The following RALGAPA1 variants were observed in gnomAD, a reference collection of about 807,000 sequenced individuals.
The protein encoded by RALGAPA1 is ral GTPase-activating protein subunit alpha-1.
A neutral mutation model predicts 269.6 loss-of-function variants in RALGAPA1; 52 were observed. That is an observed-to-expected ratio of 0.19 (90% CI 0.15 to 0.24). RALGAPA1 has a LOEUF of 0.24. RALGAPA1 is among the 10% of genes least tolerant of loss of function. RALGAPA1 has a pLI of 1.00. For missense variants in RALGAPA1, 1,917 were observed against 3,013.9 expected (o/e 0.64, Z 8.52); for synonymous variants, 817 against 1,008.3 (o/e 0.81, Z 3.60).
At chr14:35,679,536 G>C (rs1244226765) in intron 21 of RALGAPA1, among the ~76,000 whole-genome samples, 1 of 152,156 alleles carries the variant, frequency 6.6e-6, no homozygotes. Context: ...TTGTAATAAA[G>C]TATTGACTAT....
Position 35,770,991 on chromosome 14 carries a change from TA to T in RALGAPA1, c.275del (p.Leu92TyrfsTer19). 1 of 1,349,004 alleles carries T rather than the reference TA, an allele frequency of 7.4e-7. No individual in the cohort carries two copies. The highest frequency in any genetic ancestry group is 1.0e-6 in the Non-Finnish European group (1 of 969,946). 83.6% of individuals were successfully genotyped at this position (1,349,004 alleles called of 1,614,324 possible). The part of the protein sequence containing the change: ...DAILFIFEKI[L>X]QLLPERIHQR... ...GATGAATTCTTTCTGGAAGAAGTTG[TA>T]AAATTTTCTAAAAATCAATATAAAG... On this transcript the variant is annotated frameshift_variant, in exon 4 of 42. Coordinates refer to ENST00000680220, the MANE Select transcript of RALGAPA1 (RefSeq NM_001346249.2). LOFTEE classifies it high-confidence loss of function.
chr14:35,789,081 C>G lies in RALGAPA1; in HGVS notation c.107-13336G>C, dbSNP rs1169029. ...ATGTTGTAATAAAAAAATCAAACTACTAGAGGGAAAGATGCTCAGTGTACA... is the reference window on the plus strand; with the variant it reads ...ATGTTGTAATAAAAAAATCAAACTAGTAGAGGGAAAGATGCTCAGTGTACA... On this transcript the variant is annotated intron_variant, in intron 1 of 41. Transcript: ENST00000680220. Among the ~76,000 whole-genome samples the G allele has an allele frequency of 4.6e-3, 697 of 152,176 alleles. 2 individuals are homozygous for G. The highest frequency in any genetic ancestry group is 0.015 in the African/African-American group (625 of 41,526).
chr14:35,686,398 A>T, intron 19 of RALGAPA1, 144 bp downstream of exon 19: 1 of 576,900 alleles, frequency 1.7e-6, no homozygotes, highest in Non-Finnish European at 2.7e-6. Context: ...CAAAAATCTT[A>T]ATTCATAAAA....
At chr14:35,633,817 A>G (rs2061498989) in intron 33 of RALGAPA1, among the ~76,000 whole-genome samples, 1 of 152,110 alleles carries the variant, frequency 6.6e-6, no homozygotes, top group Non-Finnish European at 1.5e-5. Context: ...TTACACTCCT[A>G]TTACATTATA....
chr14:35,570,843 T>G, intron 38 of RALGAPA1, 99 bp from the exon 39 acceptor site: 1 of 1,077,822 alleles, frequency 9.3e-7, no homozygotes, highest in Non-Finnish European at 1.3e-6. Context: ...TTTCTGCTGC[T>G]TCTTTAGTTC....
intron 31 of RALGAPA1, among the ~76,000 whole-genome samples, chr14:35,639,791 T>C (rs1004252617): frequency 6.6e-6 from 1 of 151,494 alleles, no homozygotes. Flanking sequence ...TACAAAAAAT[T>C]AGTCGGGCGT....
chr14:35,572,747 G>T, intron 37 of RALGAPA1, 29 bp from the exon 38 acceptor site: 2 of 1,537,020 alleles, frequency 1.3e-6, no homozygotes, highest in Non-Finnish European at 8.8e-7. Context: ...AATTTATACT[G>T]CTTTAAAAGC....
chr14:35,742,642 C>T, intron 10 of RALGAPA1, 77 bp from the exon 11 acceptor site: 1 of 986,876 alleles, frequency 1.0e-6, no homozygotes, highest in Non-Finnish European at 1.6e-6. Context: ...ATGTTTTTCA[C>T]ATCACATCAT....
chr14:35,783,853 C>T (rs1363218196), intron 1 of RALGAPA1, among the ~76,000 whole-genome samples: 1 of 151,962 alleles, frequency 6.6e-6, no homozygotes, highest in East Asian at 1.9e-4. Flanking sequence ...AAAGCAAAAC[C>T]ACAATGAGAT....
intron 39 of RALGAPA1, among the ~76,000 whole-genome samples, chr14:35,550,915 A>G (rs79963746): frequency 0.014 from 2,112 of 152,278 alleles, 26 homozygotes; most frequent in Non-Finnish European, 0.02. Context: ...CTTAACATAA[A>G]CAAGTAATAT....
intron 33 of RALGAPA1, among the ~76,000 whole-genome samples, chr14:35,629,463 C>G (rs1245491261): frequency 6.6e-6 from 1 of 152,106 alleles, no homozygotes; most frequent in Non-Finnish European, 1.5e-5. Flanking sequence ...CCTGTCAGAA[C>G]AACTAAGGAT....
At chr14:35,594,162 T>A (rs1187717026) in intron 37 of RALGAPA1, among the ~76,000 whole-genome samples, 1 of 151,980 alleles carries the variant, frequency 6.6e-6, no homozygotes, top group African/African-American at 2.4e-5. Flanking sequence ...ATATAAGACA[T>A]GAAACCTAGA....
chr14:35,775,123 T>G (rs2074926226), intron 2 of RALGAPA1, 68 bp from the exon 3 acceptor site: 1 of 918,444 alleles, frequency 1.1e-6, no homozygotes, highest in Admixed American at 2.6e-5. Flanking sequence ...TTAAAATATT[T>G]CAAGAATGAA....
At chr14:35,750,268 T>C (rs1278459941) in intron 9 of RALGAPA1, among the ~76,000 whole-genome samples, 6 of 152,188 alleles carry the variant, frequency 3.9e-5, no homozygotes, top group African/African-American at 1.4e-4. Context: ...GAGACTGACA[T>C]ACTAATGAAA....
At chr14:35,600,232 C>CTTTTCTTTTTTTT (rs768432859) in intron 36 of RALGAPA1, among the ~76,000 whole-genome samples, 1 of 86,948 alleles carries the variant, frequency 1.2e-5, no homozygotes, top group African/African-American at 4.4e-5. Flanking sequence ...TTCTTTTTTT[C>CTTTTCTTTTTTTT]TTTTTTTTTT....
intron 35 of RALGAPA1, among the ~76,000 whole-genome samples, chr14:35,619,630 G>A (rs2060478228): frequency 6.6e-6 from 1 of 151,928 alleles, no homozygotes; most frequent in Non-Finnish European, 1.5e-5. Flanking sequence ...GAAAAGAGAA[G>A]AATCAAATAG....
At chr14:35,556,164 T>C (rs369738128) in intron 39 of RALGAPA1, among the ~76,000 whole-genome samples, 3 of 152,140 alleles carry the variant, frequency 2.0e-5, no homozygotes, top group East Asian at 1.9e-4. Context: ...GAATGAAAAA[T>C]AAGAATTTTA....
intron 16 of RALGAPA1, among the ~76,000 whole-genome samples, chr14:35,721,436 C>T (rs887911862): frequency 6.6e-6 from 1 of 152,094 alleles, no homozygotes; most frequent in African/African-American, 2.4e-5. Flanking sequence ...CGTAAAATAA[C>T]ATTTTAATAT....
intron 6 of RALGAPA1, among the ~76,000 whole-genome samples, chr14:35,757,389 G>A (rs2073278772): frequency 6.6e-6 from 1 of 152,046 alleles, no homozygotes; most frequent in African/African-American, 2.4e-5. Flanking sequence ...CAAAGTGCTA[G>A]GATTACAGGT....
Sources: gnomAD v4.1 joint callset for allele counts (sites outside exome capture counted in the v4.1 genomes callset) on GRCh38, gnomAD v4.1.1 for gene constraint, MANE v1.5 for transcripts, NCBI Gene and HGNC (gene_info 2026-07-23, HGNC 2026-07-21) for gene names.